Variants in PCA3 observed in about 807,000 individuals in gnomAD.
PCA3 encodes the protein Differential Display code 3.
rs1452433649 is a variant in PCA3, at chr9:76,764,582, G to C, written n.852+27967G>C. ...TCTGTAGGCCATGGGAATGGGTTTG[G>C]AATTTTATTCAAAGAGCTATGGGAA... is the stretch of plus-strand genomic sequence containing the variant. On this transcript the variant is annotated intron_variant and non_coding_transcript_variant, in intron 2 of 5. Coordinates refer to ENST00000644657, the Ensembl canonical transcript of PCA3. 5.9e-5 allele frequency: 9 copies of C among 152,268 alleles called. No homozygotes were observed. The East Asian group carries it at 1.7e-3, about 29-fold the overall frequency. The allele number at this position is 152,268 out of a possible 1,614,324, so 9.4% of individuals were successfully genotyped here. A position where few individuals can be genotyped will look rare whatever the true frequency, so the allele number is the denominator to read the frequency against.
chr9:76,769,795 C>T (rs558265983), intron 2 of PCA3, among the ~76,000 whole-genome samples: 2 of 152,176 alleles, frequency 1.3e-5, no homozygotes, highest in African/African-American at 4.8e-5. Flanking sequence ...TAAAAGGGAA[C>T]GTGAACTAAA....
chr9:76,778,090 C>T (rs2053994493), intron 2 of PCA3, among the ~76,000 whole-genome samples: 2 of 152,174 alleles, frequency 1.3e-5, no homozygotes, highest in Admixed American at 1.3e-4. Flanking sequence ...TTCTAAGGAG[C>T]TTTTAAAAAA....
intron 2 of PCA3, among the ~76,000 whole-genome samples, chr9:76,780,736 G>GT (rs1361068281): frequency 6.6e-6 from 1 of 152,070 alleles, no homozygotes; most frequent in Non-Finnish European, 1.5e-5. Context: ...CAGCAAGAGG[G>GT]TTTTGTTTTT....
intron 2 of PCA3, among the ~76,000 whole-genome samples, chr9:76,783,304 T>C (rs920784013): frequency 6.6e-6 from 1 of 151,980 alleles, no homozygotes; most frequent in Non-Finnish European, 1.5e-5. Context: ...GCCCAGCTAA[T>C]TTTTGTATTT....
intron 2 of PCA3, chr9:76,783,667 T>C (rs1408906328): frequency 2.0e-5 from 3 of 152,306 alleles, no homozygotes; most frequent in Admixed American, 2.0e-4. Context: ...GCTGACACCT[T>C]GCCATTTGTC....
At chr9:76,779,335 C>T (rs567513441) in intron 2 of PCA3, among the ~76,000 whole-genome samples, 3 of 151,692 alleles carry the variant, frequency 2.0e-5, no homozygotes, top group South Asian at 2.1e-4. Context: ...GATTAAGGCT[C>T]TTTGTGGGGA....
intron 2 of PCA3, among the ~76,000 whole-genome samples, chr9:76,777,379 G>A (rs940540249): frequency 1.3e-5 from 2 of 152,114 alleles, no homozygotes; most frequent in Non-Finnish European, 1.5e-5. Flanking sequence ...AAGTAAGCAG[G>A]AGCACTGGCC....
At chr9:76,771,714 A>C (rs894104887) in intron 2 of PCA3, among the ~76,000 whole-genome samples, 1 of 152,180 alleles carries the variant, frequency 6.6e-6, no homozygotes, top group African/African-American at 2.4e-5. Flanking sequence ...CCAAACCTAA[A>C]TGTCATTCTG....
chr9:76,778,582 A>G (rs1019152544), intron 2 of PCA3: 5 of 152,192 alleles, frequency 3.3e-5, no homozygotes, highest in Middle Eastern at 3.2e-3. Context: ...GTTTAGCCCA[A>G]TTGTTTACTA....
chr9:76,785,361 A>C (rs959283649), intron 2 of PCA3: 1 of 152,230 alleles, frequency 6.6e-6, no homozygotes, highest in Non-Finnish European at 1.5e-5. Context: ...AGTTTAGATA[A>C]ATATATGAAA....
At chr9:76,773,992 C>G (rs915463510) in intron 2 of PCA3, among the ~76,000 whole-genome samples, 1 of 152,094 alleles carries the variant, frequency 6.6e-6, no homozygotes. Flanking sequence ...GACAGTAGAT[C>G]TATTTTAAGT....
chr9:76,787,330 A>G (rs1046864256), intron 2 of PCA3: 1 of 151,678 alleles, frequency 6.6e-6, no homozygotes, highest in Non-Finnish European at 1.5e-5. Context: ...TATAGTATCA[A>G]TTTATTTGAT....
intron 2 of PCA3, among the ~76,000 whole-genome samples, chr9:76,777,083 C>A (rs907817379): frequency 6.6e-6 from 1 of 151,998 alleles, no homozygotes; most frequent in Non-Finnish European, 1.5e-5. Flanking sequence ...TTCTCCCCTG[C>A]CCCATAGCCC....
rs1260651601 is a variant in PCA3 at position 76,776,331 on chromosome 9, CT to C, written n.853-32251del. Among the ~76,000 whole-genome samples, 489 of 152,138 alleles carry C rather than the reference CT, an allele frequency of 3.2e-3. 5 individuals carry two copies. Among genetic ancestry groups the C allele is most frequent in the African/African-American group, 0.012 (480 of 41,510 alleles). ...GACTCTCCGATGTTATTATTTCACT[CT>C]CTGTGTCCATGTGTACACACTGTTT... On this transcript the variant is annotated intron_variant and non_coding_transcript_variant, in intron 2 of 5. Coordinates refer to ENST00000644657, the Ensembl canonical transcript of PCA3.
intron 2 of PCA3, among the ~76,000 whole-genome samples, chr9:76,774,458 T>TTTATTTATTTATTTA (rs2053499577): frequency 6.0e-5 from 2 of 33,294 alleles, no homozygotes; most frequent in East Asian, 1.8e-3. Flanking sequence ...CCCTTTTTTT[T>TTTATTTATTTATTTA]TTTTTTTTTT....
intron 2 of PCA3, among the ~76,000 whole-genome samples, chr9:76,780,503 C>A (rs2054262116): frequency 6.6e-6 from 1 of 151,978 alleles, no homozygotes; most frequent in South Asian, 2.1e-4. Flanking sequence ...CTGGCTAACA[C>A]AGTGAAACCC....
chr9:76,785,739 G>C (rs1018216568), intron 2 of PCA3: 1 of 151,974 alleles, frequency 6.6e-6, no homozygotes, highest in Non-Finnish European at 1.5e-5. Flanking sequence ...AGCTCTGTGT[G>C]TGTGTGTGTG....
chr9:76,767,343 C>T (rs2092707875), intron 2 of PCA3, among the ~76,000 whole-genome samples: 1 of 151,850 alleles, frequency 6.6e-6, no homozygotes, highest in African/African-American at 2.4e-5. Context: ...CCCAGCTACT[C>T]GAGAGGCCGA....
intron 2 of PCA3, chr9:76,778,538 C>T (rs143869688): frequency 1.3e-5 from 2 of 152,170 alleles, no homozygotes; most frequent in Non-Finnish European, 2.9e-5. Flanking sequence ...AGTGGTTCAA[C>T]GAGGACTTGG....
Sources: allele counts gnomAD v4.1 joint callset (sites outside exome capture counted in the v4.1 genomes callset), GRCh38; gene constraint gnomAD v4.1.1; transcripts MANE v1.5; gene names NCBI Gene and HGNC (gene_info 2026-07-23, HGNC 2026-07-21).